Variants in DOCK5 observed in about 807,000 individuals in gnomAD.
The protein encoded by DOCK5 is dedicator of cytokinesis 5.
Under a neutral mutation model 251.8 loss-of-function variants are expected in DOCK5, and 142 were observed. The observed-to-expected ratio is 0.56, with a 90% CI of 0.49 to 0.65. The LOEUF is 0.65. Ranked by LOEUF, DOCK5 falls within the 30% of genes least tolerant of loss-of-function variation. DOCK5 has a pLI of 0.00. For synonymous variants in DOCK5, 842 were observed against 835.5 expected (o/e 1.01, Z -0.13); for missense variants, 2,111 against 2,312.3 (o/e 0.91, Z 1.79).
chr8:25,380,370 C>T lies in DOCK5; in HGVS notation c.4002C>T (p.Asp1334=), dbSNP rs747485974. Residue 1334 remains aspartate (D), a synonymous_variant, in exon 39 of 52, where the codon GAC becomes GAT. Transcript: ENST00000276440. ...AGACTTACGAAAGCAAAGTATTTGA[C>T]TACGAGGGCCTTGGCAACCTCCTGG... The part of the protein sequence containing the change: ...LAETYESKVF[D]YEGLGNLLKK... The T allele has an allele frequency of 7.5e-6, 12 of 1,610,248 alleles. No homozygotes were observed. In the South Asian group the frequency reaches 1.0e-4, roughly 13 times the overall value.
At chr8:25,331,266 C>CAT (rs1036501906) in intron 18 of DOCK5, among the ~76,000 whole-genome samples, 1 of 151,352 alleles carries the variant, frequency 6.6e-6, no homozygotes, top group African/African-American at 2.4e-5. Flanking sequence ...CACACACACA[C>CAT]ACACATATAT....
At chr8:25,295,306 G>A (rs1804591248) in intron 6 of DOCK5, among the ~76,000 whole-genome samples, 1 of 151,230 alleles carries the variant, frequency 6.6e-6, no homozygotes, top group Admixed American at 6.6e-5. Context: ...GCTGAGCATG[G>A]TAATATAAGC....
intron 30 of DOCK5, 46 bp from the exon 31 acceptor site, chr8:25,366,824 A>G (rs776359807): frequency 1.4e-6 from 2 of 1,476,096 alleles, no homozygotes; most frequent in East Asian, 4.6e-5. Context: ...GCCCTTATTA[A>G]TGTTATTTTT....
Position 25,275,570 on chromosome 8 carries a change from C to CA in DOCK5, c.224+130dup. 18 of 907,424 alleles carry CA rather than the reference C, an allele frequency of 2.0e-5. No homozygotes were observed. The South Asian group carries it at 3.0e-4, about 15-fold the overall frequency. The allele number at this position is 907,424 out of a possible 1,614,324, so 56.2% of individuals were successfully genotyped here. The stretch of plus-strand genomic sequence containing the variant: ...TCATCTCAGGCCAGGCGTGGTGGCT[C>CA]ACGCCTGTAATCCCAGCACTTTGGG... On this transcript the variant is annotated intron_variant, in intron 4 of 51. Transcript: ENST00000276440.
rs1370019004 is a variant in DOCK5 at position 25,243,741 on chromosome 8, C to T, written c.111C>T (p.Ile37=). 6.2e-7 allele frequency: 1 copy of T among 1,613,562 alleles called. No individual in the cohort carries two copies. Residue 37 remains isoleucine (I), a synonymous_variant, in exon 2 of 52, where the codon ATC becomes ATT. Transcript: ENST00000276440. Reference sequence around the variant, plus strand: ...TGCAGATCGGTGACACAGTTCACATCCTGGAGATGTACGAGGGTAAGTCTG... The same window carrying T: ...TGCAGATCGGTGACACAGTTCACATTCTGGAGATGTACGAGGGTAAGTCTG... ...LSLQIGDTVH[I]LEMYEGWYRG...
At position 25,297,951 on chromosome 8, in the gene DOCK5, G is replaced by A. The variant is rs201122777; in HGVS notation, c.607-993G>A. On this transcript the variant is annotated intron_variant, in intron 7 of 51. Coordinates refer to ENST00000276440, the MANE Select transcript of DOCK5 (RefSeq NM_024940.8). ...GCATGACTGTAGTCCCAGCTACCCA[G>A]GAGGCTGAGGCAGGAGGATCACTTG... Among the ~76,000 whole-genome samples the A allele has an allele frequency of 2.6e-5, 4 of 151,806 alleles. No individual in the cohort carries two copies. The East Asian group carries it at 7.8e-4, about 30-fold the overall frequency.
intron 2 of DOCK5, among the ~76,000 whole-genome samples, chr8:25,256,638 C>CA (rs891243325): frequency 0.18 from 8,762 of 47,820 alleles, 601 homozygotes; most frequent in African/African-American, 0.26. Flanking sequence ...ATCTCCATCT[C>CA]AAAAAAAAAA....
chr8:25,398,156 T>C (rs1375620224), intron 45 of DOCK5, among the ~76,000 whole-genome samples: 1 of 152,208 alleles, frequency 6.6e-6, no homozygotes, highest in African/African-American at 2.4e-5. Flanking sequence ...ATTTCAGGGC[T>C]CTCTGCTCCA....
At chr8:25,185,332 A>G (rs1056069868) in intron 1 of DOCK5, among the ~76,000 whole-genome samples, 1 of 152,150 alleles carries the variant, frequency 6.6e-6, no homozygotes, top group Non-Finnish European at 1.5e-5. Flanking sequence ...GTAGGTGACC[A>G]GCCCGGGTCG....
At chr8:25,221,309 TTTTG>T (rs932080522) in intron 1 of DOCK5, among the ~76,000 whole-genome samples, 13 of 152,168 alleles carry the variant, frequency 8.5e-5, no homozygotes, top group African/African-American at 2.9e-4. Flanking sequence ...GCCAAATCTT[TTTTG>T]TTTGTTTGTT....
chr8:25,219,704 G>A (rs868624424), intron 1 of DOCK5, among the ~76,000 whole-genome samples: 1 of 144,672 alleles, frequency 6.9e-6, no homozygotes, highest in African/African-American at 2.6e-5. Flanking sequence ...TCTGGGGTCC[G>A]TGTTTTTTTT....
At chr8:25,306,626 G>A (rs1189238337) in intron 11 of DOCK5, among the ~76,000 whole-genome samples, 1 of 151,866 alleles carries the variant, frequency 6.6e-6, no homozygotes, top group African/African-American at 2.4e-5. Context: ...CCTGGAAGGT[G>A]GAGCTTGCAG....
chr8:25,392,405 G>A (rs1801277132), intron 43 of DOCK5, among the ~76,000 whole-genome samples: 1 of 151,888 alleles, frequency 6.6e-6, no homozygotes, highest in South Asian at 2.1e-4. Context: ...TGGGAACAGA[G>A]ACTTCACCTG....
At chr8:25,230,142 TTA>T in intron 1 of DOCK5, among the ~76,000 whole-genome samples, 1 of 152,296 alleles carries the variant, frequency 6.6e-6, no homozygotes, top group East Asian at 1.9e-4. Flanking sequence ...CTCTCAGAGA[TTA>T]TGTTTCTTTA....
intron 5 of DOCK5, among the ~76,000 whole-genome samples, chr8:25,287,213 G>C (rs1472293406): frequency 6.6e-6 from 1 of 152,178 alleles, no homozygotes; most frequent in African/African-American, 2.4e-5. Flanking sequence ...GATCACCTAA[G>C]GTCAGAAGTT....
chr8:25,311,435 C>G (rs1379078653), intron 13 of DOCK5, among the ~76,000 whole-genome samples: 1 of 150,508 alleles, frequency 6.6e-6, no homozygotes, highest in African/African-American at 2.4e-5. Flanking sequence ...CCCAGCTACT[C>G]GGGAGGCTGA....
At chr8:25,205,994 G>C (rs988649357) in intron 1 of DOCK5, among the ~76,000 whole-genome samples, 1 of 152,140 alleles carries the variant, frequency 6.6e-6, no homozygotes, top group Non-Finnish European at 1.5e-5. Flanking sequence ...GGAAAGGAAG[G>C]CTGAACATGA....
In DOCK5 at chr8:25,323,882, C is replaced by G. The variant is rs1257927220; in HGVS notation, c.1650C>G (p.Ala550=). The change falls in exon 17 of 52, where the codon GCC becomes GCG. Residue 550 remains alanine (A), a synonymous_variant. Transcript: ENST00000276440. ...RDKSERAFGV[A]FVKLMNPDGT... is the part of the protein sequence containing the mutation. Reference sequence around the variant, plus strand: ...AATCGGAGCGAGCATTTGGGGTGGCCTTCGTGAAGCTGATGAACCCGGATG... The same window carrying G: ...AATCGGAGCGAGCATTTGGGGTGGCGTTCGTGAAGCTGATGAACCCGGATG... 1.2e-6 allele frequency: 2 copies of G among 1,613,542 alleles called. No individual in the cohort carries two copies. Among genetic ancestry groups the G allele is most frequent in the Non-Finnish European group, 1.7e-6 (2 of 1,179,736 alleles).
chr8:25,350,281 A>G (rs1186280537), intron 26 of DOCK5, among the ~76,000 whole-genome samples: 1 of 152,166 alleles, frequency 6.6e-6, no homozygotes, highest in Admixed American at 6.5e-5. Context: ...TATTTGAAGC[A>G]TTAAGCAGGA....
Sources: allele counts gnomAD v4.1 joint callset (sites outside exome capture counted in the v4.1 genomes callset), GRCh38; gene constraint gnomAD v4.1.1; transcripts MANE v1.5; gene names NCBI Gene and HGNC (gene_info 2026-07-23, HGNC 2026-07-21).